GBF1: variants seen among roughly 807,000 people sequenced by gnomAD.
GBF1 encodes Golgi-specific brefeldin A-resistance guanine nucleotide exchange factor 1.
A neutral mutation model predicts 210.5 loss-of-function variants in GBF1; 114 were observed. The observed-to-expected ratio is 0.54, with a 90% CI of 0.47 to 0.63. The LOEUF (loss-of-function observed/expected upper bound fraction) is 0.63. Ranked by LOEUF, GBF1 falls within the 30% of genes least tolerant of loss-of-function variation. The pLI is 0.00. For synonymous variants in GBF1, 850 were observed against 889.2 expected, an observed-to-expected ratio of 0.96 and a Z score of 0.78; for missense variants, 1,851 against 2,357.7, an observed-to-expected ratio of 0.79 and a Z score of 4.45.
chr10:102,377,629 A>G (rs1189011189), intron 33 of GBF1, among the ~76,000 whole-genome samples: 1 of 152,212 alleles, frequency 6.6e-6, no homozygotes, highest in Non-Finnish European at 1.5e-5. Flanking sequence ...CTAGGATTAC[A>G]GGCATGAGCC....
intron 3 of GBF1, among the ~76,000 whole-genome samples, chr10:102,271,883 C>G (rs1471579063): frequency 6.6e-6 from 1 of 151,954 alleles, no homozygotes; most frequent in Non-Finnish European, 1.5e-5. Context: ...TCCCAAGTAG[C>G]TGGGACTACA....
intron 3 of GBF1, among the ~76,000 whole-genome samples, chr10:102,315,260 C>T (rs1194552483): frequency 1.3e-5 from 2 of 152,166 alleles, no homozygotes; most frequent in Non-Finnish European, 2.9e-5. Context: ...GCCACGGACC[C>T]GTTAGGAACT....
Position 102,353,668 on chromosome 10 carries a change from G to A in GBF1, c.639+14G>A, listed in dbSNP as rs1247290777. ...AACATGAAGAAGGTATGATCTGAGA[G>A]CTGATCTGCTGTCCCTCATCCAAAC... On this transcript the variant is annotated intron_variant, in intron 8 of 39. Coordinates refer to ENST00000369983, the MANE Select transcript of GBF1 (RefSeq NM_001377137.1). 6.3e-7 allele frequency: 1 copy of A among 1,591,786 alleles called. No individual in the cohort carries two copies.
chr10:102,255,051 T>C (rs184938223), intron 1 of GBF1, among the ~76,000 whole-genome samples: 12 of 152,116 alleles, frequency 7.9e-5, no homozygotes, highest in Admixed American at 7.2e-4. Context: ...AGATGTTTCT[T>C]TTTTTTTGAG....
intron 3 of GBF1, among the ~76,000 whole-genome samples, chr10:102,302,331 C>T (rs2077459516): frequency 6.6e-6 from 1 of 152,062 alleles, no homozygotes; most frequent in South Asian, 2.1e-4. Flanking sequence ...TTACACAACT[C>T]TGAATATACT....
chr10:102,375,598 CA>C lies in GBF1; in HGVS notation c.3886+15del, dbSNP rs759860457. On this transcript the variant is annotated intron_variant, in intron 30 of 39. Coordinates refer to ENST00000369983, the MANE Select transcript of GBF1 (RefSeq NM_001377137.1). Reference sequence around the variant, plus strand: ...CACCTGATGCCGGTAAGCCCTTTCCCAGGGAGACTCAGGCTGGCAGATAAAC... The same window carrying C: ...CACCTGATGCCGGTAAGCCCTTTCCCGGGAGACTCAGGCTGGCAGATAAAC... 24 of 1,520,488 alleles carry C rather than the reference CA, an allele frequency of 1.6e-5. No homozygotes were observed. The highest frequency in any genetic ancestry group is 2.2e-5 in the Non-Finnish European group (24 of 1,096,652). 94.2% of individuals were successfully genotyped at this position (1,520,488 alleles called of 1,614,324 possible).
chr10:102,309,390 C>G (rs1198433437), intron 3 of GBF1, among the ~76,000 whole-genome samples: 1 of 152,128 alleles, frequency 6.6e-6, no homozygotes, highest in Non-Finnish European at 1.5e-5. Flanking sequence ...AATAAGATGG[C>G]CTTTGGGGAA....
intron 32 of GBF1, 39 bp downstream of exon 32, chr10:102,376,839 T>TG: frequency 6.2e-7 from 1 of 1,609,906 alleles, no homozygotes; most frequent in Non-Finnish European, 8.5e-7. Flanking sequence ...GGAGTAGCCA[T>TG]GCAATTATGC....
rs909477661 is a variant in GBF1, at chr10:102,310,076, A to C, written c.164-33975A>C. ...GGAACTGGAAAGAAGCCATGTGGAT[A>C]GTTACGGTATTTAGGTGGATTTGTT... On this transcript the variant is annotated intron_variant, in intron 3 of 39. Transcript: ENST00000369983. Among the ~76,000 whole-genome samples the C allele has an allele frequency of 2.0e-5, 3 of 152,232 alleles. 1 individual carries two copies. The highest frequency in any genetic ancestry group is 4.4e-5 in the Non-Finnish European group (3 of 68,042).
At chr10:102,277,392 CT>C (rs35430312) in intron 3 of GBF1, among the ~76,000 whole-genome samples, 29,340 of 136,804 alleles carry the variant, frequency 0.21, 2,893 homozygotes, top group Non-Finnish European at 0.25. Context: ...TACATTGTGA[CT>C]TTTTTTTTTT....
At chr10:102,250,938 CAA>C (rs2071444136) in intron 1 of GBF1, among the ~76,000 whole-genome samples, 1 of 151,216 alleles carries the variant, frequency 6.6e-6, no homozygotes, top group African/African-American at 2.4e-5. Context: ...GCCTAGACGA[CAA>C]GAGCGAAACT....
chr10:102,311,671 A>T (rs1045830875), intron 3 of GBF1, among the ~76,000 whole-genome samples: 1 of 152,212 alleles, frequency 6.6e-6, no homozygotes, highest in Non-Finnish European at 1.5e-5. Flanking sequence ...CTGTCAGGAA[A>T]ATATGAATTG....
At chr10:102,374,505 C>T (rs7916805) in intron 29 of GBF1, among the ~76,000 whole-genome samples, 2 of 151,686 alleles carry the variant, frequency 1.3e-5, no homozygotes, top group Non-Finnish European at 2.9e-5. Context: ...GGATCACTTG[C>T]GCCCAGGAGT....
intron 3 of GBF1, among the ~76,000 whole-genome samples, chr10:102,326,044 G>A (rs540898000): frequency 2.6e-5 from 4 of 152,290 alleles, no homozygotes; most frequent in South Asian, 2.1e-4. Context: ...ACTGTGGCTC[G>A]GAAAAGGTCA....
the GBF1 span, among the ~76,000 whole-genome samples, chr10:102,234,826 A>G: frequency 6.6e-6 from 1 of 152,120 alleles, no homozygotes; most frequent in Non-Finnish European, 1.5e-5. Flanking sequence ...GCAGTTTTCC[A>G]AATTACCCTG....
At chr10:102,270,723 T>C (rs2074324163) in intron 3 of GBF1, among the ~76,000 whole-genome samples, 1 of 152,202 alleles carries the variant, frequency 6.6e-6, no homozygotes, top group Non-Finnish European at 1.5e-5. Context: ...AACAATAATT[T>C]GCCAATTCTA....
chr10:102,312,772 CT>C (rs902846626), intron 3 of GBF1, among the ~76,000 whole-genome samples: 1 of 152,146 alleles, frequency 6.6e-6, no homozygotes, highest in Admixed American at 6.5e-5. Context: ...CCTCGGGTAC[CT>C]GTAAAGTCAC....
In GBF1 at chr10:102,363,169, C is replaced by G. The variant is rs1207893599; in HGVS notation, c.1877-87C>G. On this transcript the variant is annotated intron_variant, in intron 15 of 39. Transcript: ENST00000369983. The surrounding 1 kb of genome is among the most constrained non-coding windows in gnomAD (Gnocchi z 4.2). ...CGCCCTGTGCAGGAACCATGCAGGTCTTCTGGGCTTGGGATTTGATCTATC... is the reference window on the plus strand; with the variant it reads ...CGCCCTGTGCAGGAACCATGCAGGTGTTCTGGGCTTGGGATTTGATCTATC... 1 of 1,295,212 alleles carries G rather than the reference C, an allele frequency of 7.7e-7. No individual in the cohort carries two copies. Among genetic ancestry groups the G allele is most frequent in the Non-Finnish European group, 1.1e-6 (1 of 945,348 alleles). 80.2% of individuals were successfully genotyped at this position (1,295,212 alleles called of 1,614,324 possible).
At chr10:102,261,615 C>CT (rs10711743) in intron 3 of GBF1, among the ~76,000 whole-genome samples, 1,700 of 116,072 alleles carry the variant, frequency 0.015, 28 homozygotes, top group African/African-American at 0.045. Context: ...TTCTTTCTTT[C>CT]TTTTTTTTTT....
Sources: gnomAD v4.1 joint callset for allele counts (sites outside exome capture counted in the v4.1 genomes callset) on GRCh38, gnomAD v4.1.1 for gene constraint, Gnocchi (gnomAD v3.1) non-coding constraint, MANE v1.5 for transcripts, NCBI Gene and HGNC (gene_info 2026-07-23, HGNC 2026-07-21) for gene names.